The following MMP16 variants were observed in gnomAD, a reference collection of about 807,000 sequenced individuals.
MMP16 encodes the protein matrix metalloproteinase-16.
A neutral mutation model predicts 67.8 loss-of-function variants in MMP16; 12 were observed. The observed-to-expected ratio is 0.18, with a 90% CI of 0.11 to 0.29. The LOEUF (loss-of-function observed/expected upper bound fraction) is 0.29. Ranked by LOEUF, MMP16 falls within the 10% of genes least tolerant of loss-of-function variation. The pLI is 1.00. For missense variants in MMP16, 475 were observed against 765.7 expected, an observed-to-expected ratio of 0.62 and a Z score of 4.48; for synonymous variants, 249 against 255.9, an observed-to-expected ratio of 0.97 and a Z score of 0.26.
At chr8:88,192,538 T>C (rs1391253776) in intron 2 of MMP16, among the ~76,000 whole-genome samples, 1 of 152,144 alleles carries the variant, frequency 6.6e-6, no homozygotes, top group Non-Finnish European at 1.5e-5. Context: ...ACCCATCCTA[T>C]AATGTGATAG....
At chr8:88,145,313 T>C (rs1169037384) in intron 4 of MMP16, among the ~76,000 whole-genome samples, 1 of 151,990 alleles carries the variant, frequency 6.6e-6, no homozygotes, top group African/African-American at 2.4e-5. Context: ...TAAATATTTG[T>C]GTATCTACAT....
At chr8:88,241,081 G>GA (rs1810026025) in intron 1 of MMP16, among the ~76,000 whole-genome samples, 1 of 139,624 alleles carries the variant, frequency 7.2e-6, no homozygotes, top group Middle Eastern at 3.4e-3. Context: ...GTTTTGTTTT[G>GA]TTTTTTTTTT....
chr8:88,101,402 G>T (rs193049356), intron 6 of MMP16, among the ~76,000 whole-genome samples: 29 of 152,012 alleles, frequency 1.9e-4, no homozygotes, highest in African/African-American at 6.7e-4. Flanking sequence ...ATTTCTAATA[G>T]TAACTGCAAA....
chr8:88,203,039 T>C (rs1323656921), intron 1 of MMP16, among the ~76,000 whole-genome samples: 1 of 150,886 alleles, frequency 6.6e-6, no homozygotes, highest in Non-Finnish European at 1.5e-5. Flanking sequence ...TTAATCTCAA[T>C]TAAACTTGCA....
chr8:88,179,945 A>G (rs1194854130), intron 3 of MMP16, among the ~76,000 whole-genome samples: 1 of 152,214 alleles, frequency 6.6e-6, no homozygotes, highest in African/African-American at 2.4e-5. Flanking sequence ...AAATAGTTAT[A>G]TATGTTGTAG....
At chr8:88,236,324 G>T (rs1483160165) in intron 1 of MMP16, among the ~76,000 whole-genome samples, 1 of 152,214 alleles carries the variant, frequency 6.6e-6, no homozygotes, top group Middle Eastern at 3.2e-3. Context: ...TTTCTGTGAG[G>T]TTCAAATGCA....
chr8:88,201,229 T>C (rs1046508782), intron 1 of MMP16, among the ~76,000 whole-genome samples: 1 of 151,820 alleles, frequency 6.6e-6, no homozygotes, highest in Non-Finnish European at 1.5e-5. Context: ...AGATACATTT[T>C]AGAAATTATA....
chr8:88,126,654 TGTGA>T (rs1442363779), intron 4 of MMP16, among the ~76,000 whole-genome samples: 1 of 151,872 alleles, frequency 6.6e-6, no homozygotes, highest in Non-Finnish European at 1.5e-5. Flanking sequence ...AGTGTGTTTG[TGTGA>T]GTGTTTATAT....
intron 1 of MMP16, among the ~76,000 whole-genome samples, chr8:88,210,765 C>A (rs956821397): frequency 6.6e-6 from 1 of 152,218 alleles, no homozygotes; most frequent in East Asian, 1.9e-4. Context: ...TTAGATTCTA[C>A]CTTCCATCCC....
At chr8:88,312,905 T>G (rs1335360289) in intron 1 of MMP16, among the ~76,000 whole-genome samples, 1 of 152,006 alleles carries the variant, frequency 6.6e-6, no homozygotes, top group African/African-American at 2.4e-5. Flanking sequence ...AAGGCAGAGG[T>G]TGCAGTGAGC....
rs1174838677 is a variant in MMP16 at position 88,167,866 on chromosome 8, G to A, written c.512C>T (p.Pro171Leu). 6.2e-7 allele frequency: 1 copy of A among 1,613,944 alleles called. No homozygotes were observed. The highest frequency in any genetic ancestry group is 1.7e-5 in the Admixed American group (1 of 59,956). ...TTTGCCATTTTCTAATTCACTGTAG[G>A]GAACTTCTTCAAATGTCAGAGGAGT... ...NVTPLTFEEV[P>L]YSELENGKRD... Residue 171 changes from proline (P) to leucine (L), a missense_variant, in exon 4 of 10, where the codon CCC becomes CTC. Pro to Leu is a moderately conservative substitution (Grantham distance 98, BLOSUM62 -3). Coordinates refer to ENST00000286614, the MANE Select transcript of MMP16 (RefSeq NM_005941.5).
chr8:88,118,687 A>T lies in MMP16; in HGVS notation c.871+13T>A. 6.2e-7 allele frequency: 1 copy of T among 1,608,440 alleles called. No individual in the cohort carries two copies. Among genetic ancestry groups the T allele is most frequent in the Middle Eastern group, 1.7e-4 (1 of 6,030 alleles). ...ACTATCGGATTAAGCAAATTGAAAC[A>T]GTAGTAACCTACCATATATCTTCTG... On this transcript the variant is annotated intron_variant, in intron 5 of 9. Coordinates refer to ENST00000286614, the MANE Select transcript of MMP16 (RefSeq NM_005941.5).
At chr8:88,261,979 TA>T in intron 1 of MMP16, among the ~76,000 whole-genome samples, 1 of 152,262 alleles carries the variant, frequency 6.6e-6, no homozygotes, top group African/African-American at 2.4e-5. Context: ...GGTAGAATGT[TA>T]AGTAAGGTCT....
At chr8:88,258,044 CTTTTTTTT>C (rs71277990) in intron 1 of MMP16, among the ~76,000 whole-genome samples, 2,083 of 143,168 alleles carry the variant, frequency 0.015, 28 homozygotes, top group South Asian at 0.079. Context: ...GACTCTTTTT[CTTTTTTTT>C]TTTTTTTCTT....
intron 1 of MMP16, among the ~76,000 whole-genome samples, chr8:88,322,213 A>G (rs1183804293): frequency 2.6e-5 from 4 of 152,170 alleles, no homozygotes; most frequent in Admixed American, 2.6e-4. Context: ...CTATGGCATT[A>G]GAAAAGATGA....
chr8:88,065,387 T>C (rs1228926264), intron 7 of MMP16, among the ~76,000 whole-genome samples: 4 of 152,174 alleles, frequency 2.6e-5, no homozygotes, highest in Admixed American at 6.6e-5. Context: ...TATGGAGTTT[T>C]TGAATCATTT....
chr8:88,238,852 C>T (rs1013325123), intron 1 of MMP16, among the ~76,000 whole-genome samples: 1 of 151,778 alleles, frequency 6.6e-6, no homozygotes, highest in Non-Finnish European at 1.5e-5. Flanking sequence ...TGGCTGGGTG[C>T]AGTGGCTTGC....
At chr8:88,107,303 GTCT>G (rs915280226) in intron 6 of MMP16, among the ~76,000 whole-genome samples, 1 of 150,902 alleles carries the variant, frequency 6.6e-6, no homozygotes, top group African/African-American at 2.4e-5. Context: ...ATTTTATCAA[GTCT>G]TCTTATAAAT....
At chr8:88,158,231 C>T (rs1276379101) in intron 4 of MMP16, among the ~76,000 whole-genome samples, 1 of 152,136 alleles carries the variant, frequency 6.6e-6, no homozygotes, top group African/African-American at 2.4e-5. Context: ...GTTCTAGATC[C>T]TTGAGGAATC....
Sources: allele counts gnomAD v4.1 joint callset (sites outside exome capture counted in the v4.1 genomes callset), GRCh38; gene constraint gnomAD v4.1.1; transcripts MANE v1.5; gene names NCBI Gene and HGNC (gene_info 2026-07-23, HGNC 2026-07-21).